The following VWA3A variants were observed in gnomAD, a reference collection of about 807,000 sequenced individuals.
The protein encoded by VWA3A is von Willebrand factor A domain-containing protein 3A.
VWA3A carries 134 observed loss-of-function variants against 160.4 expected under a neutral mutation model. The ratio of observed to expected loss-of-function variants is 0.84; its 90% confidence interval spans 0.73 to 0.96. The LOEUF (loss-of-function observed/expected upper bound fraction) is 0.96, where lower values mean the gene tolerates loss of function less well. VWA3A is among the 40% of genes least tolerant of loss of function. The pLI, the probability that VWA3A is intolerant of heterozygous loss-of-function variation, is 0.00. For synonymous variants in VWA3A, 476 were observed against 543.4 expected, an observed-to-expected ratio of 0.88 and a Z score of 1.72; for missense variants, 1,310 against 1,447.9, an observed-to-expected ratio of 0.90 and a Z score of 1.55.
intron 18 of VWA3A, 150 bp from the exon 19 acceptor site, chr16:22,131,435 C>A: frequency 7.0e-7 from 1 of 1,427,226 alleles, no homozygotes; most frequent in Non-Finnish European, 9.5e-7. Context: ...CTTCTGTCTG[C>A]TGCTCTCCCC....
At position 22,132,978 on chromosome 16, in the gene VWA3A, G is replaced by A. The variant is rs1403006668; in HGVS notation, c.1951G>A (p.Glu651Lys). 26 of 1,613,940 alleles carry A rather than the reference G, an allele frequency of 1.6e-5. No individual in the cohort carries two copies. The East Asian group carries it at 3.8e-4, about 24-fold the overall frequency. ...QLNVCLFYVG[E>K]PKMDTTPPAR... ...GAACGTGTGTCTCTTCTACGTGGGC[G>A]AGCCAAAGATGGACACCACACCCCC... Residue 651 changes from glutamate to lysine, a missense_variant, in exon 20 of 34, where the codon GAG (glutamate) becomes AAG (lysine). Transcript: ENST00000389398.
At position 22,152,494 on chromosome 16, in the gene VWA3A, C is replaced by G. The variant is rs1231104397; in HGVS notation, c.3282-17C>G. On this transcript the variant is annotated splice_polypyrimidine_tract_variant and intron_variant, in intron 30 of 33. Coordinates refer to ENST00000389398, the MANE Select transcript of VWA3A (RefSeq NM_173615.5). ...GTCAGTCAGCCTTCCCACCAGCCCT[C>G]TGTCCCTTCCTTCCAGAGCGGCGGT... 8 of 1,612,106 alleles carry G rather than the reference C, an allele frequency of 5.0e-6. No homozygotes were observed. Among genetic ancestry groups the G allele is most frequent in the South Asian group, 1.1e-5 (1 of 90,622 alleles).
intron 5 of VWA3A, among the ~76,000 whole-genome samples, chr16:22,100,964 CAAAAA>C (rs59096934): frequency 1.6e-5 from 1 of 60,776 alleles, no homozygotes; most frequent in Non-Finnish European, 3.5e-5. Context: ...GACCCTGTCT[CAAAAA>C]AAAAAAAAAA....
At chr16:22,145,457 A>G (rs977990985) in intron 26 of VWA3A, among the ~76,000 whole-genome samples, 2 of 152,118 alleles carry the variant, frequency 1.3e-5, no homozygotes, top group African/African-American at 2.4e-5. Flanking sequence ...TGGCCAACAC[A>G]GTGAAACCCC....
At position 22,152,644 on chromosome 16, in the gene VWA3A, A is replaced by C; in HGVS notation, c.3405+10A>C. The C allele has an allele frequency of 2.5e-6, 4 of 1,596,258 alleles. No individual in the cohort carries two copies. Among genetic ancestry groups the C allele is most frequent in the Non-Finnish European group, 3.4e-6 (4 of 1,171,068 alleles). ...CTTCATCAATGAAAAGGTAGGTTGCAGAGCCACTGAGCATGAGGTCTGTTG... is the reference window on the plus strand; with the variant it reads ...CTTCATCAATGAAAAGGTAGGTTGCCGAGCCACTGAGCATGAGGTCTGTTG... On this transcript the variant is annotated intron_variant, in intron 31 of 33. Transcript: ENST00000389398.
Position 22,120,973 on chromosome 16 carries a change from CACAGAGATT to C in VWA3A, c.1126_1134del (p.Glu376_Thr378del). 1 of 1,613,870 alleles carries C rather than the reference CACAGAGATT, an allele frequency of 6.2e-7. No homozygotes were observed. Among genetic ancestry groups the C allele is most frequent in the Non-Finnish European group, 8.5e-7 (1 of 1,179,836 alleles). On this transcript the variant is annotated inframe_deletion, in exon 13 of 34. Transcript: ENST00000389398. ...GGCTTTCTCATTTAACTTAGATTTCCACAGAGATTACAAATGGGCCACTCATAAGCCTCT... is the reference window on the plus strand; with the variant it reads ...GGCTTTCTCATTTAACTTAGATTTCCACAAATGGGCCACTCATAAGCCTCT...
intron 3 of VWA3A, among the ~76,000 whole-genome samples, chr16:22,099,516 C>T (rs2045375601): frequency 6.6e-6 from 1 of 152,202 alleles, no homozygotes; most frequent in Non-Finnish European, 1.5e-5. Context: ...TAATGGAACC[C>T]ACTTTGTAAA....
In VWA3A at chr16:22,100,199, G is replaced by A. The variant is rs1422815132; in HGVS notation, c.231G>A (p.Leu77=). The A allele has an allele frequency of 3.9e-6, 6 of 1,546,434 alleles. No homozygotes were observed. Among genetic ancestry groups the A allele is most frequent in the Middle Eastern group, 2.1e-4 (1 of 4,758 alleles). Residue 77 remains leucine, a synonymous_variant, in exon 4 of 34, where the codon CTG becomes CTA. Coordinates refer to ENST00000389398, the MANE Select transcript of VWA3A (RefSeq NM_173615.5). ...CTCTGGCTTTTGTCTTGCAGAGGCT[G>A]CAGGGGAGTGAGACCCAGTCTTCAG... ...HVNQTQDLLR[L]QGSETQSSDW...
At chr16:22,152,739 C>A in intron 31 of VWA3A, 105 bp downstream of exon 31, 1 of 1,479,856 alleles carries the variant, frequency 6.8e-7, no homozygotes, top group Non-Finnish European at 9.0e-7. Flanking sequence ...AGTGAACCTC[C>A]CACCTCGGCC....
At chr16:22,119,863 C>T (rs915194270) in intron 12 of VWA3A, among the ~76,000 whole-genome samples, 2 of 151,786 alleles carry the variant, frequency 1.3e-5, no homozygotes, top group African/African-American at 4.8e-5. Context: ...ACTAAAAATA[C>T]AAAACTTAGC....
chr16:22,134,545 T>G, intron 21 of VWA3A, 107 bp downstream of exon 21: 1 of 940,304 alleles, frequency 1.1e-6, no homozygotes, highest in Non-Finnish European at 1.6e-6. Context: ...CCATTGATTC[T>G]CTCACTTCCA....
At chr16:22,107,986 T>A (rs544685358) in intron 6 of VWA3A, among the ~76,000 whole-genome samples, 1 of 152,198 alleles carries the variant, frequency 6.6e-6, no homozygotes, top group Non-Finnish European at 1.5e-5. Flanking sequence ...GTGTTTTAAT[T>A]TGTTAAATTC....
In VWA3A at chr16:22,144,341, C is replaced by T. The variant is rs2046208847; in HGVS notation, c.2687C>T (p.Ala896Val). ...CATCAAAAGTCAGGACAGAGGTCAG[C>T]ATCCGCCAAACACTGCAGCATCTTC... ...CTHQKSGQRS[A>V]SAKHCSIFPS... is the part of the protein sequence containing the mutation. Residue 896 changes from alanine to valine, a missense_variant, in exon 26 of 34, where the codon GCA (alanine) becomes GTA (valine). By Grantham distance (64) the Ala-to-Val change is moderately conservative. Transcript: ENST00000389398. The T allele has an allele frequency of 1.2e-6, 2 of 1,613,952 alleles. No individual in the cohort carries two copies. Among genetic ancestry groups the T allele is most frequent in the South Asian group, 2.2e-5 (2 of 91,074 alleles).
intron 8 of VWA3A, among the ~76,000 whole-genome samples, chr16:22,114,711 C>G (rs1354250101): frequency 6.6e-6 from 1 of 152,164 alleles, no homozygotes; most frequent in Non-Finnish European, 1.5e-5. Context: ...ACCTGTAATC[C>G]CAGCTGTCTG....
chr16:22,146,268 G>A lies in VWA3A; in HGVS notation c.2763G>A (p.Arg921=). The A allele has an allele frequency of 6.2e-7, 1 of 1,613,726 alleles. No individual in the cohort carries two copies. The highest frequency in any genetic ancestry group is 1.1e-5 in the South Asian group (1 of 91,050). The part of the protein sequence containing the change: ...GVVRHIQWTP[R]EMEVYIRHLE... ...TGAGACACATCCAGTGGACGCCCAG[G>A]GAGATGGAGGTGTACATCAGGCACT... Residue 921 remains arginine, a synonymous_variant, in exon 27 of 34, where the codon AGG becomes AGA. Transcript: ENST00000389398.
chr16:22,130,938 G>A (rs966009848), intron 17 of VWA3A, among the ~76,000 whole-genome samples: 7 of 152,164 alleles, frequency 4.6e-5, no homozygotes, highest in Non-Finnish European at 8.8e-5. Context: ...CCATGCTAGG[G>A]GAGGTTAAAG....
In VWA3A at chr16:22,121,490, T is replaced by G. The variant is rs554451830; in HGVS notation, c.1253-24T>G. On this transcript the variant is annotated intron_variant, in intron 13 of 33. Coordinates refer to ENST00000389398, the MANE Select transcript of VWA3A (RefSeq NM_173615.5). Reference sequence around the variant, plus strand: ...CCTTTGGAGCTTCTCAGGCAGTGCCTCCAACCTCACACTTTTTTTTCAGCC... The same window carrying G: ...CCTTTGGAGCTTCTCAGGCAGTGCCGCCAACCTCACACTTTTTTTTCAGCC... 3 of 1,586,492 alleles carry G rather than the reference T, an allele frequency of 1.9e-6. No individual in the cohort carries two copies. The African/African-American group carries it at 4.0e-5, about 21-fold the overall frequency.
chr16:22,134,514 C>A, intron 21 of VWA3A, 76 bp downstream of exon 21: 1 of 1,295,978 alleles, frequency 7.7e-7, no homozygotes, highest in Non-Finnish European at 1.1e-6. Flanking sequence ...CTGCCACAAA[C>A]TGGGTGGCTT....
At chr16:22,115,647 C>G (rs1053182661) in intron 9 of VWA3A, among the ~76,000 whole-genome samples, 175 bp downstream of exon 9, 11 of 149,760 alleles carry the variant, frequency 7.3e-5, no homozygotes, top group Non-Finnish European at 1.6e-4. Context: ...GTCTGGGCAA[C>G]ACAGTGAGAC....
Sources: gnomAD v4.1 joint callset for allele counts (sites outside exome capture counted in the v4.1 genomes callset) on GRCh38, gnomAD v4.1.1 for gene constraint, MANE v1.5 for transcripts, NCBI Gene and HGNC (gene_info 2026-07-23, HGNC 2026-07-21) for gene names.